Variants in NTM observed in about 807,000 individuals in gnomAD.
NTM encodes IgLON family member 2.
A neutral mutation model predicts 42.1 loss-of-function variants in NTM; 13 were observed. The ratio of observed to expected loss-of-function variants is 0.31; its 90% confidence interval spans 0.20 to 0.49. The LOEUF is 0.49. Among genes scored for constraint, NTM ranks in the 20% least tolerant of loss-of-function variants. The pLI, the probability that NTM is intolerant of heterozygous loss-of-function variation, is 0.99. For synonymous variants in NTM, 187 were observed against 179.2 expected, an observed-to-expected ratio of 1.04 and a Z score of -0.35; for missense variants, 373 against 452.8, an observed-to-expected ratio of 0.82 and a Z score of 1.60.
chr11:131,942,972 T>C (rs1237758081), intron 2 of NTM, among the ~76,000 whole-genome samples: 3 of 149,788 alleles, frequency 2.0e-5, no homozygotes, highest in Admixed American at 1.3e-4. Context: ...GCGTAGAGTT[T>C]AGCCATGTGG....
intron 4 of NTM, among the ~76,000 whole-genome samples, chr11:132,234,047 T>C (rs1241369526): frequency 2.6e-5 from 4 of 152,230 alleles, no homozygotes; most frequent in Non-Finnish European, 5.9e-5. Context: ...CCCTGACTAG[T>C]CATCTCTGCC....
At chr11:131,939,472 G>GGT (rs1349210251) in intron 2 of NTM, among the ~76,000 whole-genome samples, 2 of 151,968 alleles carry the variant, frequency 1.3e-5, no homozygotes, top group South Asian at 2.1e-4. Flanking sequence ...CAAAATAATT[G>GGT]GTGTGTGTGT....
Position 131,498,747 on chromosome 11 carries a change from G to A in NTM, c.82+127859G>A, listed in dbSNP as rs318977. Among the ~76,000 whole-genome samples, 375 of 152,182 alleles carry A rather than the reference G, an allele frequency of 2.5e-3. 1 individual carries two copies. Among genetic ancestry groups the A allele is most frequent in the African/African-American group, 8.6e-3 (356 of 41,510 alleles). On this transcript the variant is annotated intron_variant, in intron 1 of 8. Transcript: ENST00000683400. The stretch of plus-strand genomic sequence containing the variant: ...AAAGGGAGCTCTGTTGGGAAGGGCT[G>A]GGGGGAAGCCAGGCCCAAAGCTGCC...
At chr11:131,789,667 A>AAGAAAAGAAGAAGAAGAAGAAGAAGAAG (rs1004938972) in intron 1 of NTM, among the ~76,000 whole-genome samples, 2 of 121,716 alleles carry the variant, frequency 1.6e-5, no homozygotes, top group Non-Finnish European at 1.8e-5. Context: ...GAAGAAGAAG[A>AAGAAAAGAAGAAGAAGAAGAAGAAGAAG]AAGCATGGGC....
intron 4 of NTM, among the ~76,000 whole-genome samples, chr11:132,269,507 G>A (rs1054050678): frequency 2.0e-5 from 3 of 152,086 alleles, no homozygotes; most frequent in African/African-American, 7.2e-5. Flanking sequence ...ATCTAATATG[G>A]CAGATTATTA....
chr11:131,593,797 C>A (rs541038092), intron 1 of NTM, among the ~76,000 whole-genome samples: 45 of 152,338 alleles, frequency 3.0e-4, no homozygotes, highest in Admixed American at 2.6e-3. Flanking sequence ...TGTCTCTGGA[C>A]ATATCAGTTT....
At chr11:132,040,652 C>T (rs558202974) in intron 2 of NTM, among the ~76,000 whole-genome samples, 1 of 152,324 alleles carries the variant, frequency 6.6e-6, no homozygotes, top group South Asian at 2.1e-4. Flanking sequence ...CATCCCCAGG[C>T]TTAGGGAGTT....
At chr11:132,216,434 C>T (rs1413200522) in intron 4 of NTM, among the ~76,000 whole-genome samples, 1 of 152,146 alleles carries the variant, frequency 6.6e-6, no homozygotes, top group East Asian at 1.9e-4. Context: ...ACTGAGTGTC[C>T]TAATGGAGCT....
At chr11:131,933,699 A>G (rs572715609) in intron 2 of NTM, among the ~76,000 whole-genome samples, 2 of 151,972 alleles carry the variant, frequency 1.3e-5, no homozygotes, top group Non-Finnish European at 2.9e-5. Context: ...CCTATACCCA[A>G]GCAGAATAAG....
chr11:132,104,081 T>C (rs190373940), intron 2 of NTM, among the ~76,000 whole-genome samples: 1 of 152,232 alleles, frequency 6.6e-6, no homozygotes, highest in East Asian at 1.9e-4. Flanking sequence ...GTGTTTTTCG[T>C]TGTTGTTGTT....
rs141146542 is a variant in NTM at position 132,271,306 on chromosome 11, C to T, written c.527-36383C>T. On this transcript the variant is annotated intron_variant, in intron 4 of 8. Transcript: ENST00000683400. ...GTTTATCCATTCATCAGTGGATGGACATTTGGGTTGCTTCCACCTTGGGAC... is the reference window on the plus strand; with the variant it reads ...GTTTATCCATTCATCAGTGGATGGATATTTGGGTTGCTTCCACCTTGGGAC... 1.3e-3 allele frequency among the ~76,000 whole-genome samples: 197 copies of T among 152,254 alleles called. 1 individual carries two copies. In the East Asian group the frequency reaches 0.037, roughly 29 times the overall value.
At chr11:131,671,321 C>T (rs545535055) in intron 1 of NTM, 3 of 604,188 alleles carry the variant, frequency 5.0e-6, no homozygotes, top group East Asian at 2.8e-4. Context: ...CGTCTATACT[C>T]ATCCTCCCCG....
rs966779452 is a variant in NTM, at chr11:132,269,492, A to G, written c.527-38197A>G. ...GTTAATAAAATACTCATCAATAACAATCCCATCTAATATGGCAGATTATTA... is the reference window on the plus strand; with the variant it reads ...GTTAATAAAATACTCATCAATAACAGTCCCATCTAATATGGCAGATTATTA... On this transcript the variant is annotated intron_variant, in intron 4 of 8. Transcript: ENST00000683400. Among the ~76,000 whole-genome samples, 4 of 152,138 alleles carry G rather than the reference A, an allele frequency of 2.6e-5. No homozygotes were observed. The East Asian group carries it at 7.7e-4, about 29-fold the overall frequency.
intron 2 of NTM, among the ~76,000 whole-genome samples, chr11:132,032,030 A>G (rs1033883088): frequency 2.0e-5 from 3 of 152,128 alleles, no homozygotes; most frequent in Non-Finnish European, 2.9e-5. Context: ...TGAAGTCTGT[A>G]TTATGACTGC....
chr11:131,737,496 A>G (rs1012674515), intron 1 of NTM, among the ~76,000 whole-genome samples: 1 of 152,136 alleles, frequency 6.6e-6, no homozygotes, highest in African/African-American at 2.4e-5. Context: ...TCTGGTATAA[A>G]CTGTGTTGAT....
At chr11:131,390,252 C>T (rs1297924739) in intron 1 of NTM, among the ~76,000 whole-genome samples, 1 of 152,098 alleles carries the variant, frequency 6.6e-6, no homozygotes, top group Admixed American at 6.5e-5. Context: ...AAACAACCAA[C>T]TTTCGAGTGA....
At chr11:132,315,601 G>A (rs1299730346) in intron 7 of NTM, among the ~76,000 whole-genome samples, 1 of 152,204 alleles carries the variant, frequency 6.6e-6, no homozygotes, top group Non-Finnish European at 1.5e-5. Context: ...GCATTTGACA[G>A]ATAATTTGCA....
intron 4 of NTM, among the ~76,000 whole-genome samples, chr11:132,247,891 T>C (rs568493123): frequency 1.6e-4 from 24 of 152,314 alleles, no homozygotes; most frequent in African/African-American, 4.8e-4. Flanking sequence ...TGTGTATCTC[T>C]AATCTTAAAT....
intron 1 of NTM, among the ~76,000 whole-genome samples, chr11:131,849,869 C>T (rs954098972): frequency 6.0e-5 from 9 of 150,764 alleles, no homozygotes; most frequent in South Asian, 2.1e-4. Flanking sequence ...ATACCTAATG[C>T]TAAATGACGA....
Sources: allele counts gnomAD v4.1 joint callset (sites outside exome capture counted in the v4.1 genomes callset), GRCh38; gene constraint gnomAD v4.1.1; transcripts MANE v1.5; gene names NCBI Gene and HGNC (gene_info 2026-07-23, HGNC 2026-07-21).